ANKRD29: variants seen among roughly 807,000 people sequenced by gnomAD.
ANKRD29 encodes the protein ankyrin repeat domain-containing protein 29.
Under a neutral mutation model 38.0 loss-of-function variants are expected in ANKRD29, and 32 were observed. That is an observed-to-expected ratio of 0.84 (90% CI 0.64 to 1.13). ANKRD29 has a LOEUF of 1.13. Among genes scored for constraint, ANKRD29 ranks in the 50% most tolerant of loss-of-function variants. The pLI, the probability that ANKRD29 is intolerant of heterozygous loss-of-function variation, is 0.00. For synonymous variants in ANKRD29, 135 were observed against 152.4 expected, an observed-to-expected ratio of 0.89 and a Z score of 0.84; for missense variants, 357 against 377.9, an observed-to-expected ratio of 0.94 and a Z score of 0.46.
intron 1 of ANKRD29, among the ~76,000 whole-genome samples, chr18:23,662,355 C>A (rs2060374572): frequency 6.6e-6 from 1 of 152,154 alleles, no homozygotes; most frequent in Admixed American, 6.5e-5. Context: ...GGGTCAGGGT[C>A]GGGGACTCCT....
At chr18:23,642,324 C>G (rs1168948650) in intron 3 of ANKRD29, among the ~76,000 whole-genome samples, 1 of 152,072 alleles carries the variant, frequency 6.6e-6, no homozygotes, top group Non-Finnish European at 1.5e-5. Context: ...CTCTTTGGGG[C>G]TCTGCGGTTC....
At chr18:23,625,003 C>A (rs924167000) in intron 6 of ANKRD29, among the ~76,000 whole-genome samples, 1 of 152,140 alleles carries the variant, frequency 6.6e-6, no homozygotes, top group Admixed American at 6.5e-5. Context: ...GTATCTGAAG[C>A]GGCACTAGCT....
At chr18:23,638,470 C>A (rs917151036) in intron 4 of ANKRD29, among the ~76,000 whole-genome samples, 2 of 152,052 alleles carry the variant, frequency 1.3e-5, no homozygotes, top group Non-Finnish European at 2.9e-5. Flanking sequence ...CCAACAATTC[C>A]TATCATAGTA....
chr18:23,612,509 C>T (rs2059656591), intron 8 of ANKRD29, among the ~76,000 whole-genome samples: 1 of 152,182 alleles, frequency 6.6e-6, no homozygotes, highest in South Asian at 2.1e-4. Flanking sequence ...CAACGCCGTG[C>T]CCAACATTTT....
intron 1 of ANKRD29, among the ~76,000 whole-genome samples, chr18:23,655,869 G>A (rs867600832): frequency 6.7e-5 from 10 of 149,520 alleles, no homozygotes; most frequent in Non-Finnish European, 1.5e-4. Flanking sequence ...CGAGGCGGGC[G>A]GATCACAAGG....
intron 6 of ANKRD29, among the ~76,000 whole-genome samples, chr18:23,626,934 A>G (rs981416989): frequency 1.3e-5 from 2 of 152,266 alleles, no homozygotes; most frequent in Non-Finnish European, 2.9e-5. Flanking sequence ...CCAGGCAGGT[A>G]TTCCTGTCCT....
chr18:23,615,371 AAAATATGAAATTCCAC>A (rs1338568785), intron 8 of ANKRD29, among the ~76,000 whole-genome samples: 1 of 152,206 alleles, frequency 6.6e-6, no homozygotes, highest in East Asian at 1.9e-4. Flanking sequence ...GTAATATGTG[AAAATATGAAATTCCAC>A]AAATAACAAT....
At chr18:23,615,350 A>G (rs1401921150) in intron 8 of ANKRD29, among the ~76,000 whole-genome samples, 2 of 152,172 alleles carry the variant, frequency 1.3e-5, no homozygotes, top group Non-Finnish European at 2.9e-5. Flanking sequence ...TTAAAAGACG[A>G]AAAATATTTT....
chr18:23,641,328 G>A (rs1265788841), intron 3 of ANKRD29, among the ~76,000 whole-genome samples: 1 of 152,206 alleles, frequency 6.6e-6, no homozygotes, highest in Non-Finnish European at 1.5e-5. Context: ...GGCCTGGGAA[G>A]CCCCCATTAC....
chr18:23,656,857 T>C (rs551063306), intron 1 of ANKRD29, among the ~76,000 whole-genome samples: 89 of 152,342 alleles, frequency 5.8e-4, no homozygotes, highest in Non-Finnish European at 1.0e-3. Flanking sequence ...TGGACAGACC[T>C]TCCCTCTGTG....
intron 9 of ANKRD29, among the ~76,000 whole-genome samples, chr18:23,604,588 T>C (rs141150858): frequency 1.3e-5 from 2 of 152,202 alleles, no homozygotes; most frequent in African/African-American, 2.4e-5. Flanking sequence ...TGGACTGCAG[T>C]GGCGCAATCT....
chr18:23,633,912 T>C (rs2059966785), intron 5 of ANKRD29, 139 bp downstream of exon 5: 2 of 812,622 alleles, frequency 2.5e-6, no homozygotes, highest in Non-Finnish European at 4.0e-6. Context: ...TGGTCCGCTA[T>C]ATATTTTTCT....
intron 1 of ANKRD29, among the ~76,000 whole-genome samples, chr18:23,659,157 T>G (rs1231416439): frequency 6.6e-6 from 1 of 152,116 alleles, no homozygotes; most frequent in Non-Finnish European, 1.5e-5. Context: ...AATTTTTGTA[T>G]TTTTAGTAGA....
In ANKRD29 at chr18:23,601,207, T is replaced by C; in HGVS notation, c.*19A>G. Reference sequence around the variant, plus strand: ...AATGTGGTTAAGCTTTCTATCTTTCTGTCAAATATGGAGCTAAGTTAGCTC... The same window carrying C: ...AATGTGGTTAAGCTTTCTATCTTTCCGTCAAATATGGAGCTAAGTTAGCTC... On this transcript the variant is annotated 3_prime_UTR_variant, in exon 10 of 10. Coordinates refer to ENST00000592179, the MANE Select transcript of ANKRD29 (RefSeq NM_173505.4). 1 of 1,603,776 alleles carries C rather than the reference T, an allele frequency of 6.2e-7. No homozygotes were observed. Among genetic ancestry groups the C allele is most frequent in the South Asian group, 1.1e-5 (1 of 90,728 alleles).
At chr18:23,645,997 C>T (rs1281532241) in intron 3 of ANKRD29, among the ~76,000 whole-genome samples, 192 bp downstream of exon 3, 1 of 152,130 alleles carries the variant, frequency 6.6e-6, no homozygotes, top group African/African-American at 2.4e-5. Flanking sequence ...ATATGCCCGA[C>T]AGGCTACGCT....
chr18:23,620,398 G>A (rs1017842675), intron 6 of ANKRD29, among the ~76,000 whole-genome samples: 1 of 152,184 alleles, frequency 6.6e-6, no homozygotes, highest in Non-Finnish European at 1.5e-5. Context: ...GGGCCATGAG[G>A]TGGAGATATA....
chr18:23,618,985 C>T (rs1187789080), intron 7 of ANKRD29, among the ~76,000 whole-genome samples: 2 of 152,150 alleles, frequency 1.3e-5, no homozygotes, highest in Admixed American at 6.5e-5. Context: ...ATACAAAGGC[C>T]ACAGTAAAAC....
At chr18:23,653,009 T>C (rs1277658485) in intron 1 of ANKRD29, among the ~76,000 whole-genome samples, 1 of 152,262 alleles carries the variant, frequency 6.6e-6, no homozygotes, top group Non-Finnish European at 1.5e-5. Flanking sequence ...TGTTTAGATA[T>C]GCAAATGCTC....
intron 3 of ANKRD29, among the ~76,000 whole-genome samples, chr18:23,645,012 G>A (rs947333810): frequency 6.6e-6 from 1 of 152,162 alleles, no homozygotes; most frequent in South Asian, 2.1e-4. Context: ...GGAAGAATGA[G>A]ATATACGATA....
Sources: allele counts gnomAD v4.1 joint callset (sites outside exome capture counted in the v4.1 genomes callset), GRCh38; gene constraint gnomAD v4.1.1; transcripts MANE v1.5; gene names NCBI Gene and HGNC (gene_info 2026-07-23, HGNC 2026-07-21).